SYNPR: variants seen among roughly 807,000 people sequenced by gnomAD.
The protein encoded by SYNPR is synaptoporin.
In SYNPR, 23 loss-of-function variants were observed where a neutral mutation model predicts 32.9. The ratio of observed to expected loss-of-function variants is 0.70; its 90% CI spans 0.50 to 0.99. SYNPR has a LOEUF of 0.99. SYNPR is among the 50% of genes least tolerant of loss of function. The pLI is 0.00. For synonymous variants in SYNPR, 146 were observed against 135.9 expected, an observed-to-expected ratio of 1.07 and a Z score of -0.52; for missense variants, 318 against 349.3, an observed-to-expected ratio of 0.91 and a Z score of 0.71.
intron 1 of SYNPR, among the ~76,000 whole-genome samples, chr3:63,251,715 C>G (rs2086332947): frequency 6.6e-6 from 1 of 151,978 alleles, no homozygotes; most frequent in South Asian, 2.1e-4. Context: ...TCTACGTAAT[C>G]AGTGACCGAG....
chr3:63,392,412 G>A (rs551420161), intron 2 of SYNPR, among the ~76,000 whole-genome samples: 2 of 152,200 alleles, frequency 1.3e-5, no homozygotes, highest in Admixed American at 1.3e-4. Context: ...CTAAAATAAG[G>A]CTACTCATAA....
At chr3:63,577,970 G>A (rs1703017241) in intron 4 of SYNPR, among the ~76,000 whole-genome samples, 1 of 152,132 alleles carries the variant, frequency 6.6e-6, no homozygotes, top group Non-Finnish European at 1.5e-5. Context: ...ATTAGAGAGA[G>A]CAATAGAGTC....
chr3:63,260,470 A>G (rs1404447467), intron 2 of SYNPR, among the ~76,000 whole-genome samples: 4 of 152,226 alleles, frequency 2.6e-5, no homozygotes, highest in Admixed American at 6.5e-5. Context: ...GAAATGGGGA[A>G]AAGATTCTTT....
intron 2 of SYNPR, among the ~76,000 whole-genome samples, chr3:63,384,498 C>T (rs888004974): frequency 2.0e-5 from 3 of 152,096 alleles, no homozygotes; most frequent in Non-Finnish European, 4.4e-5. Context: ...TTATCTCAAC[C>T]GGTCAGTCTC....
intron 2 of SYNPR, among the ~76,000 whole-genome samples, chr3:63,380,184 A>T (rs999037661): frequency 1.3e-5 from 2 of 152,164 alleles, no homozygotes; most frequent in Admixed American, 1.3e-4. Context: ...ATGATTTATA[A>T]TCGTTTGGGT....
chr3:63,609,695 T>A (rs1334423754), intron 5 of SYNPR, among the ~76,000 whole-genome samples: 1 of 152,084 alleles, frequency 6.6e-6, no homozygotes, highest in Non-Finnish European at 1.5e-5. Flanking sequence ...TCACCTGAGA[T>A]CAGGAGTTCA....
intron 2 of SYNPR, among the ~76,000 whole-genome samples, chr3:63,470,998 A>G (rs928888049): frequency 6.6e-6 from 1 of 152,214 alleles, no homozygotes; most frequent in East Asian, 1.9e-4. Context: ...TCATTTCAGA[A>G]AATGAAAACA....
intron 2 of SYNPR, among the ~76,000 whole-genome samples, chr3:63,333,439 C>A (rs2087251352): frequency 6.6e-6 from 1 of 151,998 alleles, no homozygotes; most frequent in African/African-American, 2.4e-5. Context: ...TGTTTTGAAA[C>A]AGACCCTTGT....
At chr3:63,378,992 A>G (rs1380235751) in intron 2 of SYNPR, among the ~76,000 whole-genome samples, 1 of 152,082 alleles carries the variant, frequency 6.6e-6, no homozygotes. Flanking sequence ...ACATTGTGAT[A>G]ATGTGTTTTT....
chr3:63,534,320 C>G (rs1040760754), intron 3 of SYNPR, among the ~76,000 whole-genome samples: 11 of 152,108 alleles, frequency 7.2e-5, no homozygotes, highest in Non-Finnish European at 2.9e-5. Context: ...CATGTGGGTA[C>G]AGAACCAAGT....
intron 3 of SYNPR, among the ~76,000 whole-genome samples, chr3:63,520,273 A>T (rs4688413): frequency 0.66 from 100,460 of 152,102 alleles, 33,316 homozygotes; most frequent in South Asian, 0.74. Flanking sequence ...ATTCTGGGAA[A>T]GGAATTCTGG....
At chr3:63,228,418 A>C (rs1217544184) in intron 1 of SYNPR, 1 of 152,184 alleles carries the variant, frequency 6.6e-6, no homozygotes, top group Non-Finnish European at 1.5e-5. Context: ...CAAACAGTTG[A>C]AGCTGCAAGC....
At chr3:63,579,824 C>CAT (rs1703059241) in intron 4 of SYNPR, among the ~76,000 whole-genome samples, 1 of 147,964 alleles carries the variant, frequency 6.8e-6, no homozygotes, top group Non-Finnish European at 1.5e-5. Context: ...CACACACACA[C>CAT]GCACACACAC....
intron 2 of SYNPR, among the ~76,000 whole-genome samples, chr3:63,417,397 G>A (rs761332081): frequency 6.6e-6 from 1 of 152,204 alleles, no homozygotes; most frequent in Non-Finnish European, 1.5e-5. Flanking sequence ...TTCATGGGCT[G>A]GTGATGAGTG....
intron 2 of SYNPR, among the ~76,000 whole-genome samples, chr3:63,320,646 G>A (rs1267726563): frequency 2.0e-5 from 3 of 152,066 alleles, no homozygotes; most frequent in African/African-American, 4.8e-5. Flanking sequence ...TTTAATGAAT[G>A]ATTGTGTGAA....
intron 3 of SYNPR, among the ~76,000 whole-genome samples, chr3:63,529,156 T>C (rs1702067495): frequency 6.6e-6 from 1 of 152,198 alleles, no homozygotes; most frequent in African/African-American, 2.4e-5. Flanking sequence ...TTCTTCAGTA[T>C]CCATGGGGGA....
intron 3 of SYNPR, among the ~76,000 whole-genome samples, chr3:63,521,530 CA>C (rs1701913828): frequency 6.6e-6 from 1 of 152,138 alleles, no homozygotes; most frequent in African/African-American, 2.4e-5. Context: ...CTCTATTTTA[CA>C]GATAAGAAAA....
intron 1 of SYNPR, among the ~76,000 whole-genome samples, chr3:63,251,833 A>G (rs1232547697): frequency 6.6e-6 from 1 of 152,080 alleles, no homozygotes; most frequent in Admixed American, 6.6e-5. Context: ...TATAAACCTC[A>G]GGTAACTCAG....
At chr3:63,280,491 T>C (rs1285708931) in intron 2 of SYNPR, among the ~76,000 whole-genome samples, 1 of 151,658 alleles carries the variant, frequency 6.6e-6, no homozygotes, top group Non-Finnish European at 1.5e-5. Context: ...TCACACTGTA[T>C]GGAATGTCCT....
Sources: allele counts gnomAD v4.1 joint callset (sites outside exome capture counted in the v4.1 genomes callset), GRCh38; gene constraint gnomAD v4.1.1; transcripts MANE v1.5; gene names NCBI Gene and HGNC (gene_info 2026-07-23, HGNC 2026-07-21).